SEMA7A: variants seen among roughly 807,000 people sequenced by gnomAD.
The protein encoded by SEMA7A is semaphorin 7A (JohnMiltonHagen blood group), also known as semaphorin-7A.
Under a neutral mutation model 67.5 loss-of-function variants are expected in SEMA7A, and 21 were observed. That is an observed-to-expected ratio of 0.31 (90% CI 0.22 to 0.45). SEMA7A has a LOEUF of 0.45. SEMA7A is among the 20% of genes least tolerant of loss of function. SEMA7A has a pLI of 1.00. For synonymous variants in SEMA7A, 364 were observed against 368.5 expected, an observed-to-expected ratio of 0.99 and a Z score of 0.14; for missense variants, 774 against 908.6, an observed-to-expected ratio of 0.85 and a Z score of 1.90.
intron 8 of SEMA7A, 89 bp downstream of exon 8, chr15:74,415,712 A>T: frequency 7.6e-7 from 1 of 1,315,358 alleles, no homozygotes; most frequent in Non-Finnish European, 1.0e-6. Flanking sequence ...CTGCCACACC[A>T]GGGAGGCCCT....
chr15:74,414,417 C>T lies in SEMA7A; in HGVS notation c.1294+130G>A, dbSNP rs2060927401. The T allele has an allele frequency of 3.0e-6, 3 of 1,012,758 alleles. No homozygotes were observed. In the East Asian group the frequency reaches 7.2e-5, roughly 24 times the overall value. The allele number at this position is 1,012,758 out of a possible 1,614,324, so 62.7% of individuals were successfully genotyped here. The stretch of plus-strand genomic sequence containing the variant: ...CTTCCACACCCACACACATTAACCC[C>T]TGACAACTCCAGTCACTCAATTATT... On this transcript the variant is annotated intron_variant, in intron 10 of 13. Transcript: ENST00000261918. This position sits in a 1 kb window ranked among gnomAD's most constrained non-coding sequence, Gnocchi z 4.1.
intron 7 of SEMA7A, 144 bp downstream of exon 7, chr15:74,416,431 A>ACACAGCTGCTCC: frequency 1.2e-6 from 1 of 841,786 alleles, no homozygotes; most frequent in Non-Finnish European, 1.9e-6. Flanking sequence ...CTCCATGCAC[A>ACACAGCTGCTCC]CACAGCTGCT....
intron 8 of SEMA7A, among the ~76,000 whole-genome samples, chr15:74,415,474 C>T (rs2060940065): frequency 6.6e-6 from 1 of 152,208 alleles, no homozygotes; most frequent in African/African-American, 2.4e-5. Flanking sequence ...TAGCACCCAG[C>T]TCCCCGAGAG....
intron 1 of SEMA7A, among the ~76,000 whole-genome samples, chr15:74,429,484 T>C (rs976599458): frequency 6.6e-6 from 1 of 152,242 alleles, no homozygotes; most frequent in East Asian, 1.9e-4. Context: ...AAGACAGAGC[T>C]GAGGGACAGA....
In SEMA7A at chr15:74,427,756, C is replaced by T. The variant is rs185758787; in HGVS notation, c.178+5985G>A. Among the ~76,000 whole-genome samples the T allele has an allele frequency of 3.3e-5, 5 of 152,336 alleles. No individual in the cohort carries two copies. The East Asian group carries it at 7.7e-4, about 23-fold the overall frequency. ...TTGCACCATCCCACACTGACCTTTC[C>T]TGCTCTCACCTCCTGTCACAGTCCT... is the stretch of plus-strand genomic sequence containing the variant. On this transcript the variant is annotated intron_variant, in intron 1 of 13. Coordinates refer to ENST00000261918, the MANE Select transcript of SEMA7A (RefSeq NM_003612.5).
chr15:74,429,144 C>A (rs988418622), intron 1 of SEMA7A, among the ~76,000 whole-genome samples: 25 of 152,362 alleles, frequency 1.6e-4, no homozygotes, highest in African/African-American at 5.8e-4. Flanking sequence ...AAAAGGAAAT[C>A]AAGAGAAGTG....
chr15:74,417,945 G>A lies in SEMA7A; in HGVS notation c.397C>T (p.Leu133=). ...KRDCENYITL[L]ERRSEGLLAC... ...AGCAGCCCCTCACTCCGCCTCTCCA[G>A]GAGAGTGATGTAGTTCTCGCAGTCC... Residue 133 remains leucine (L), a synonymous_variant, in exon 4 of 14, where the codon CTG becomes TTG. Transcript: ENST00000261918. 6.2e-7 allele frequency: 1 copy of A among 1,613,290 alleles called. No individual in the cohort carries two copies. Among genetic ancestry groups the A allele is most frequent in the Non-Finnish European group, 8.5e-7 (1 of 1,180,014 alleles).
chr15:74,429,230 C>T (rs761822781), intron 1 of SEMA7A, among the ~76,000 whole-genome samples: 10 of 152,222 alleles, frequency 6.6e-5, no homozygotes, highest in Non-Finnish European at 1.5e-4. Flanking sequence ...CCGTGTGAAG[C>T]TGGGGGTGGA....
In SEMA7A at chr15:74,409,477, A is replaced by G. The variant is rs1201418264; in HGVS notation, c.*1147T>C. The G allele has an allele frequency of 6.6e-6, 1 of 152,224 alleles. No homozygotes were observed. Among genetic ancestry groups the G allele is most frequent in the Non-Finnish European group, 1.5e-5 (1 of 68,086 alleles). The allele number at this position is 152,224 out of a possible 1,614,324, so 9.4% of individuals were successfully genotyped here. On this transcript the variant is annotated 3_prime_UTR_variant, in exon 14 of 14. Coordinates refer to ENST00000261918, the MANE Select transcript of SEMA7A (RefSeq NM_003612.5). ...TGGGGGCAGGGCCGCCTGCCTGGAG[A>G]GCTCGGCCCAGGCCATCCCCACCGG...
At position 74,411,698 on chromosome 15, in the gene SEMA7A, C is replaced by G. The variant is rs1417726696; in HGVS notation, c.1435G>C (p.Val479Leu). The change falls in exon 12 of 14, where the codon GTG becomes CTG. Residue 479 changes from valine to leucine, a missense_variant. Val to Leu is a conservative substitution (Grantham distance 32). Transcript: ENST00000261918. The surrounding 1 kb of genome is among the most constrained non-coding windows in gnomAD (Gnocchi z 4.4). ...TGGCTCACCTCCCACTGGGAGCTCA[C>G]ATACAGCTTCCTCTGGAAGGACAGC... ...SLDAERRKLY[V>L]SSQWEVSQVP... is the part of the protein sequence containing the mutation. 4 of 1,613,336 alleles carry G rather than the reference C, an allele frequency of 2.5e-6. No homozygotes were observed. The highest frequency in any genetic ancestry group is 3.4e-6 in the Non-Finnish European group (4 of 1,180,000).
rs1449881296 is a variant in SEMA7A, at chr15:74,425,219, C to T, written c.179-6267G>A. 3.9e-5 allele frequency among the ~76,000 whole-genome samples: 6 copies of T among 152,346 alleles called. No individual in the cohort carries two copies. The East Asian group carries it at 1.2e-3, about 29-fold the overall frequency. On this transcript the variant is annotated intron_variant, in intron 1 of 13. Transcript: ENST00000261918. ...ATGATGATGCCCCTACCACCCAACC[C>T]TTCCATCGCATTTACTACGTGCCAA... is the stretch of plus-strand genomic sequence containing the variant.
At position 74,424,642 on chromosome 15, in the gene SEMA7A, A is replaced by G. The variant is rs188808821; in HGVS notation, c.179-5690T>C. On this transcript the variant is annotated intron_variant, in intron 1 of 13. Coordinates refer to ENST00000261918, the MANE Select transcript of SEMA7A (RefSeq NM_003612.5). ...CTATTGGGGAGACTGTCTGGGGCAA[A>G]GTCCTAGGGAGAAGGGACAGTGTGG... Among the ~76,000 whole-genome samples, 4 of 152,312 alleles carry G rather than the reference A, an allele frequency of 2.6e-5. No homozygotes were observed. In the East Asian group the frequency reaches 5.8e-4, roughly 22 times the overall value.
At chr15:74,424,146 C>A (rs2141286136) in intron 1 of SEMA7A, among the ~76,000 whole-genome samples, 1 of 152,244 alleles carries the variant, frequency 6.6e-6, no homozygotes, top group South Asian at 2.1e-4. Flanking sequence ...TGTGGCTCAG[C>A]CCTGGCTCCA....
At chr15:74,427,950 A>G (rs2061056575) in intron 1 of SEMA7A, among the ~76,000 whole-genome samples, 1 of 152,182 alleles carries the variant, frequency 6.6e-6, no homozygotes. Flanking sequence ...GCTGCCCTCC[A>G]TGATGAGGGG....
chr15:74,428,897 G>A (rs1483687385), intron 1 of SEMA7A, among the ~76,000 whole-genome samples: 1 of 152,214 alleles, frequency 6.6e-6, no homozygotes, highest in Non-Finnish European at 1.5e-5. Flanking sequence ...TAGGGAAGGG[G>A]GAACTCTGTC....
Position 74,414,401 on chromosome 15 carries a change from C to T in SEMA7A, c.1294+146G>A. The T allele has an allele frequency of 1.1e-6, 1 of 877,830 alleles. No homozygotes were observed. The allele number at this position is 877,830 out of a possible 1,614,324, so 54.4% of individuals were successfully genotyped here. A position where few individuals can be genotyped will look rare whatever the true frequency, so the allele number is the denominator to read the frequency against. On this transcript the variant is annotated intron_variant, in intron 10 of 13. Transcript: ENST00000261918. The surrounding 1 kb of genome is among the most constrained non-coding windows in gnomAD (Gnocchi z 4.1). ...CTCTCCCTGCCTGACTCTTCCACAC[C>T]CACACACATTAACCCCTGACAACTC...
At chr15:74,425,323 TC>T (rs2061035199) in intron 1 of SEMA7A, among the ~76,000 whole-genome samples, 1 of 152,202 alleles carries the variant, frequency 6.6e-6, no homozygotes, top group Non-Finnish European at 1.5e-5. Context: ...TCTTTTATTA[TC>T]CCCATTTTGC....
intron 1 of SEMA7A, among the ~76,000 whole-genome samples, chr15:74,429,082 C>T (rs1032693991): frequency 5.3e-5 from 8 of 152,322 alleles, no homozygotes; most frequent in African/African-American, 1.7e-4. Flanking sequence ...AGGGCCCCTT[C>T]CTCCCCCAAC....
chr15:74,417,244 G>C, intron 6 of SEMA7A, 91 bp downstream of exon 6: 1 of 1,033,416 alleles, frequency 9.7e-7, no homozygotes, highest in Non-Finnish European at 1.5e-6. Context: ...CGGCCCTCAG[G>C]GAGCCCTCCC....
Sources: gnomAD v4.1 joint callset for allele counts (sites outside exome capture counted in the v4.1 genomes callset) on GRCh38, gnomAD v4.1.1 for gene constraint, Gnocchi (gnomAD v3.1) non-coding constraint, MANE v1.5 for transcripts, NCBI Gene and HGNC (gene_info 2026-07-23, HGNC 2026-07-21) for gene names.